GNG12: variants seen among roughly 807,000 people sequenced by gnomAD.
GNG12 encodes guanine nucleotide-binding protein G(I)/G(S)/G(O) subunit gamma-12.
For synonymous variants in GNG12, 28 were observed against 29.7 expected (o/e 0.94, Z 0.19); for missense variants, 69 against 83.8 (o/e 0.82, Z 0.69).
chr1:67,829,322 G>T (rs1647029824), intron 1 of GNG12, among the ~76,000 whole-genome samples: 1 of 152,160 alleles, frequency 6.6e-6, no homozygotes, highest in Non-Finnish European at 1.5e-5. Context: ...AAATGGAATT[G>T]AGATTTGGAA....
At chr1:67,751,633 T>C (rs1646539247) in intron 2 of GNG12, among the ~76,000 whole-genome samples, 1 of 152,248 alleles carries the variant, frequency 6.6e-6, no homozygotes, top group African/African-American at 2.4e-5. Context: ...GTACTGCTTC[T>C]GGGATACTTA....
At chr1:67,761,388 A>T (rs577181040) in intron 2 of GNG12, among the ~76,000 whole-genome samples, 3 of 152,282 alleles carry the variant, frequency 2.0e-5, no homozygotes, top group Admixed American at 2.0e-4. Flanking sequence ...TTCCAACCTC[A>T]CTCAGCTGTA....
chr1:67,793,010 C>T (rs1185925734), intron 1 of GNG12, among the ~76,000 whole-genome samples: 2 of 152,164 alleles, frequency 1.3e-5, no homozygotes, highest in Admixed American at 6.5e-5. Flanking sequence ...CCCAGTGTGA[C>T]AGTGAATACC....
chr1:67,827,742 T>A (rs529757886), intron 1 of GNG12, among the ~76,000 whole-genome samples: 1 of 152,236 alleles, frequency 6.6e-6, no homozygotes, highest in East Asian at 1.9e-4. Context: ...CAGTTTTTAT[T>A]ATACAGTAAT....
chr1:67,731,144 T>A (rs1487707422), intron 2 of GNG12, among the ~76,000 whole-genome samples: 1 of 152,142 alleles, frequency 6.6e-6, no homozygotes, highest in African/African-American at 2.4e-5. Flanking sequence ...CCTCTCTGAC[T>A]TCCCCCTCTT....
intron 2 of GNG12, among the ~76,000 whole-genome samples, chr1:67,761,174 T>C (rs1557608369): frequency 6.6e-6 from 1 of 152,198 alleles, no homozygotes; most frequent in Non-Finnish European, 1.5e-5. Flanking sequence ...GAGTCTAGTG[T>C]TCCCTCTCTA....
intron 2 of GNG12, among the ~76,000 whole-genome samples, chr1:67,730,251 G>C (rs1247563220): frequency 6.6e-6 from 1 of 152,238 alleles, no homozygotes. Context: ...TGTAATCCCA[G>C]AACTTTACAA....
intron 1 of GNG12, among the ~76,000 whole-genome samples, chr1:67,814,542 T>C (rs1459974467): frequency 6.6e-6 from 1 of 152,232 alleles, no homozygotes; most frequent in African/African-American, 2.4e-5. Context: ...AAAATGAATT[T>C]ACATAAGTGA....
intron 2 of GNG12, among the ~76,000 whole-genome samples, chr1:67,763,988 T>C (rs1646621510): frequency 1.3e-5 from 2 of 152,156 alleles, no homozygotes; most frequent in South Asian, 4.1e-4. Context: ...TCACCTTAAA[T>C]TGTGGTTATA....
At chr1:67,779,406 G>T (rs751348787) in intron 1 of GNG12, among the ~76,000 whole-genome samples, 18 of 152,204 alleles carry the variant, frequency 1.2e-4, no homozygotes, top group Non-Finnish European at 2.1e-4. Flanking sequence ...TCCTTCCGTG[G>T]CTTCCTCTAG....
intron 2 of GNG12, among the ~76,000 whole-genome samples, chr1:67,722,713 C>T (rs1215489645): frequency 1.3e-5 from 2 of 152,076 alleles, no homozygotes; most frequent in Non-Finnish European, 2.9e-5. Context: ...GGTTTCTGAG[C>T]AGAAAAAGCA....
chr1:67,716,396 A>G lies in GNG12; in HGVS notation c.-26-8684T>C, dbSNP rs144112265. On this transcript the variant is annotated intron_variant, in intron 2 of 3. Coordinates refer to ENST00000370982, the MANE Select transcript of GNG12 (RefSeq NM_018841.6). ...ATAATAAAGATAATAAGTTATAATGATTAATTTTGACAATTACCACCATTT... is the reference window on the plus strand; with the variant it reads ...ATAATAAAGATAATAAGTTATAATGGTTAATTTTGACAATTACCACCATTT... 8.2e-4 allele frequency among the ~76,000 whole-genome samples: 125 copies of G among 152,356 alleles called. 2 individuals are homozygous for G. The highest frequency in any genetic ancestry group is 2.7e-3 in the African/African-American group (112 of 41,580).
intron 2 of GNG12, among the ~76,000 whole-genome samples, chr1:67,727,233 A>G (rs1034123254): frequency 6.6e-6 from 1 of 152,268 alleles, no homozygotes; most frequent in African/African-American, 2.4e-5. Flanking sequence ...CAATGGGTCC[A>G]GGGATTAAAC....
chr1:67,789,318 A>G (rs1276295), intron 1 of GNG12, among the ~76,000 whole-genome samples: 139,548 of 152,272 alleles, frequency 0.92, 63,965 homozygotes, highest in Non-Finnish European at 0.94. Context: ...TCAGAAAAAA[A>G]CAATGATTTC....
At chr1:67,773,172 C>T (rs577305) in intron 2 of GNG12, among the ~76,000 whole-genome samples, 120,641 of 152,138 alleles carry the variant, frequency 0.79, 48,042 homozygotes, top group African/African-American at 0.86. Context: ...TTCTCCTTCA[C>T]GGGTAGTTCT....
At chr1:67,713,158 T>C (rs1238422236) in intron 2 of GNG12, among the ~76,000 whole-genome samples, 1 of 152,176 alleles carries the variant, frequency 6.6e-6, no homozygotes, top group African/African-American at 2.4e-5. Flanking sequence ...TTTCGGCTCC[T>C]AGACAAGGAC....
intron 2 of GNG12, among the ~76,000 whole-genome samples, chr1:67,736,110 C>G (rs1646450788): frequency 6.6e-6 from 1 of 152,026 alleles, no homozygotes; most frequent in African/African-American, 2.4e-5. Flanking sequence ...CTTCCTGTTC[C>G]CATCTTATGA....
At chr1:67,771,596 G>A (rs1511687) in intron 2 of GNG12, among the ~76,000 whole-genome samples, 17,706 of 152,186 alleles carry the variant, frequency 0.12, 1,311 homozygotes, top group African/African-American at 0.21. Context: ...AGCCACTGAC[G>A]AGCATGATCT....
chr1:67,758,844 C>G (rs536789811), intron 2 of GNG12, among the ~76,000 whole-genome samples: 2 of 152,096 alleles, frequency 1.3e-5, no homozygotes, highest in South Asian at 4.1e-4. Flanking sequence ...AAAAGTAGAC[C>G]TCATGGAGGT....
Sources: allele counts gnomAD v4.1 joint callset (sites outside exome capture counted in the v4.1 genomes callset), GRCh38; gene constraint gnomAD v4.1.1; transcripts MANE v1.5; gene names NCBI Gene and HGNC (gene_info 2026-07-23, HGNC 2026-07-21).